TACR1: variants seen among roughly 807,000 people sequenced by gnomAD.
TACR1 encodes substance-P receptor.
A neutral mutation model predicts 35.8 loss-of-function variants in TACR1; 25 were observed. The ratio of observed to expected loss-of-function variants is 0.70; its 90% CI spans 0.51 to 0.98. The LOEUF (loss-of-function observed/expected upper bound fraction) is 0.98. Among genes scored for constraint, TACR1 ranks in the 50% least tolerant of loss-of-function variants. The pLI, the probability that TACR1 is intolerant of heterozygous loss-of-function variation, is 0.00. For missense variants in TACR1, 478 were observed against 522.9 expected (o/e 0.91, Z 0.84); for synonymous variants, 195 against 206.7 (o/e 0.94, Z 0.48).
At chr2:75,156,906 A>C (rs1425635735) in intron 1 of TACR1, among the ~76,000 whole-genome samples, 3 of 152,198 alleles carry the variant, frequency 2.0e-5, no homozygotes, top group Non-Finnish European at 4.4e-5. Flanking sequence ...GTAGGGATAC[A>C]CTGCATTTCC....
chr2:75,178,006 G>A (rs1038972391), intron 1 of TACR1, among the ~76,000 whole-genome samples: 3 of 151,992 alleles, frequency 2.0e-5, no homozygotes, highest in African/African-American at 7.3e-5. Flanking sequence ...AAAATGAGCT[G>A]TCATTTTATC....
At chr2:75,056,602 G>A (rs979849809) in intron 2 of TACR1, among the ~76,000 whole-genome samples, 5 of 152,192 alleles carry the variant, frequency 3.3e-5, no homozygotes, top group African/African-American at 1.2e-4. Flanking sequence ...GTCTTTCAGT[G>A]GTAACCATGT....
At chr2:75,174,945 C>A (rs1479699460) in intron 1 of TACR1, among the ~76,000 whole-genome samples, 1 of 152,194 alleles carries the variant, frequency 6.6e-6, no homozygotes, top group Non-Finnish European at 1.5e-5. Flanking sequence ...TTTAAGAAAT[C>A]AATTCAGGAG....
chr2:75,173,178 G>A (rs1277842008), intron 1 of TACR1, among the ~76,000 whole-genome samples: 3 of 152,066 alleles, frequency 2.0e-5, no homozygotes, highest in Non-Finnish European at 4.4e-5. Flanking sequence ...AAGGGGTCAG[G>A]GGATGGATAG....
At chr2:75,053,834 G>T in intron 2 of TACR1, 79 bp from the exon 3 acceptor site, 1 of 1,566,560 alleles carries the variant, frequency 6.4e-7, no homozygotes, top group Non-Finnish European at 8.7e-7. Flanking sequence ...TGTTATTGCA[G>T]TCAAGGTTTG....
chr2:75,160,051 T>C (rs1204995583), intron 1 of TACR1, among the ~76,000 whole-genome samples: 1 of 152,120 alleles, frequency 6.6e-6, no homozygotes, highest in Non-Finnish European at 1.5e-5. Context: ...CAGCAAAAGA[T>C]GGGCTGGAAA....
chr2:75,146,278 A>G (rs1245841612), intron 1 of TACR1, among the ~76,000 whole-genome samples: 1 of 152,088 alleles, frequency 6.6e-6, no homozygotes, highest in Non-Finnish European at 1.5e-5. Flanking sequence ...ATGTGCCACT[A>G]TGCCTGGCTA....
At position 75,191,660 on chromosome 2, in the gene TACR1, G is replaced by A. The variant is rs560194498; in HGVS notation, c.389+6886C>T. Among the ~76,000 whole-genome samples, 4 of 152,258 alleles carry A rather than the reference G, an allele frequency of 2.6e-5. No homozygotes were observed. The South Asian group carries it at 8.3e-4, about 32-fold the overall frequency. On this transcript the variant is annotated intron_variant, in intron 1 of 4. Coordinates refer to ENST00000305249, the MANE Select transcript of TACR1 (RefSeq NM_001058.4). ...CTAGAACGGGGGTTCTGAATCAAAA[G>A]CATTCTATTTTGTAACAAACCTTTA... is the stretch of plus-strand genomic sequence containing the variant.
At chr2:75,049,993 T>C (rs1449779252) in intron 4 of TACR1, among the ~76,000 whole-genome samples, 1 of 152,196 alleles carries the variant, frequency 6.6e-6, no homozygotes, top group Non-Finnish European at 1.5e-5. Context: ...AACTATGCTG[T>C]CTCCCCTCAC....
intron 1 of TACR1, among the ~76,000 whole-genome samples, chr2:75,157,850 G>T (rs568605355): frequency 4.6e-5 from 7 of 152,346 alleles, no homozygotes; most frequent in African/African-American, 1.7e-4. Context: ...TATTGAAAGA[G>T]AATTTACAGC....
intron 2 of TACR1, among the ~76,000 whole-genome samples, chr2:75,093,902 GA>G (rs1673360256): frequency 6.6e-6 from 1 of 152,020 alleles, no homozygotes; most frequent in African/African-American, 2.4e-5. Context: ...TCTCGTTTAA[GA>G]GGCTCTCTCT....
intron 1 of TACR1, among the ~76,000 whole-genome samples, chr2:75,147,168 C>T (rs560557873): frequency 6.6e-6 from 1 of 152,194 alleles, no homozygotes; most frequent in Non-Finnish European, 1.5e-5. Context: ...AAATAAACAC[C>T]ATGTTCCTTC....
At chr2:75,081,396 C>T (rs973637533) in intron 2 of TACR1, among the ~76,000 whole-genome samples, 1 of 152,198 alleles carries the variant, frequency 6.6e-6, no homozygotes, top group Non-Finnish European at 1.5e-5. Flanking sequence ...ACCCTCTACC[C>T]TCATTATGCT....
At chr2:75,085,101 G>A (rs1024652915) in intron 2 of TACR1, among the ~76,000 whole-genome samples, 1 of 152,062 alleles carries the variant, frequency 6.6e-6, no homozygotes, top group African/African-American at 2.4e-5. Flanking sequence ...TGCTTTAAAT[G>A]TGTCCCAGAG....
intron 1 of TACR1, among the ~76,000 whole-genome samples, chr2:75,135,395 C>G (rs1398459844): frequency 6.6e-6 from 1 of 152,208 alleles, no homozygotes; most frequent in Non-Finnish European, 1.5e-5. Flanking sequence ...TTCACATTCC[C>G]CTTGCTATCT....
At chr2:75,069,000 G>A (rs1672823348) in intron 2 of TACR1, among the ~76,000 whole-genome samples, 1 of 152,200 alleles carries the variant, frequency 6.6e-6, no homozygotes, top group Non-Finnish European at 1.5e-5. Context: ...ACTTGTCATG[G>A]AGGGTACCTG....
chr2:75,124,420 C>T (rs1288021023), intron 1 of TACR1, among the ~76,000 whole-genome samples: 1 of 152,220 alleles, frequency 6.6e-6, no homozygotes, highest in Non-Finnish European at 1.5e-5. Flanking sequence ...CCTTCTTCCA[C>T]AGTCTTTCTC....
At chr2:75,103,020 A>G (rs964698635) in intron 2 of TACR1, among the ~76,000 whole-genome samples, 2 of 152,330 alleles carry the variant, frequency 1.3e-5, no homozygotes, top group African/African-American at 2.4e-5. Flanking sequence ...TGGTCTTGGT[A>G]TTTCTTTACA....
chr2:75,136,528 G>A (rs1674293660), intron 1 of TACR1, among the ~76,000 whole-genome samples: 2 of 152,042 alleles, frequency 1.3e-5, no homozygotes, highest in South Asian at 2.1e-4. Context: ...GTCTGTGAAC[G>A]AGTCTAGGGC....
Sources: gnomAD v4.1 joint callset for allele counts (sites outside exome capture counted in the v4.1 genomes callset) on GRCh38, gnomAD v4.1.1 for gene constraint, MANE v1.5 for transcripts, NCBI Gene and HGNC (gene_info 2026-07-23, HGNC 2026-07-21) for gene names.